The following ZYG11B variants were observed in gnomAD, a reference collection of about 807,000 sequenced individuals.
ZYG11B encodes zyg-11 family member B, cell cycle regulator, also known as protein zyg-11 homolog B.
ZYG11B carries 36 observed loss-of-function variants against 82.4 expected under a neutral mutation model. The observed-to-expected ratio is 0.44, with a 90% CI of 0.33 to 0.58. The LOEUF (loss-of-function observed/expected upper bound fraction) is 0.58, where lower values mean the gene tolerates loss of function less well. ZYG11B is among the 20% of genes least tolerant of loss of function. ZYG11B has a pLI of 0.02. For synonymous variants in ZYG11B, 303 were observed against 312.8 expected (o/e 0.97, Z 0.33); for missense variants, 552 against 895.6 (o/e 0.62, Z 4.90).
At chr1:52,801,647 A>T (rs1233363435) in intron 8 of ZYG11B, among the ~76,000 whole-genome samples, 172 bp from the exon 9 acceptor site, 1 of 152,184 alleles carries the variant, frequency 6.6e-6, no homozygotes, top group East Asian at 1.9e-4. Flanking sequence ...TGAAAATCTT[A>T]TACATTTTTC....
intron 10 of ZYG11B, among the ~76,000 whole-genome samples, chr1:52,812,577 A>G (rs888091553): frequency 2.0e-5 from 3 of 149,584 alleles, no homozygotes; most frequent in African/African-American, 2.5e-5. Flanking sequence ...TAATTTTTCT[A>G]TTTTTTTAGT....
At chr1:52,812,750 G>A (rs1645194166) in intron 10 of ZYG11B, among the ~76,000 whole-genome samples, 1 of 148,404 alleles carries the variant, frequency 6.7e-6, no homozygotes, top group Non-Finnish European at 1.5e-5. Flanking sequence ...GTTTTGAGAT[G>A]GCATCTCACT....
intron 2 of ZYG11B, 30 bp from the exon 3 acceptor site, chr1:52,770,989 TG>T (rs1558127906): frequency 1.1e-5 from 18 of 1,570,830 alleles, no homozygotes; most frequent in Non-Finnish European, 1.6e-5. Flanking sequence ...AACTGTTTTT[TG>T]AATTTAAAAC....
At chr1:52,796,459 C>G in intron 7 of ZYG11B, 68 bp downstream of exon 7, 1 of 1,315,314 alleles carries the variant, frequency 7.6e-7, no homozygotes, top group South Asian at 1.2e-5. Flanking sequence ...TGTTTCCCCC[C>G]AAAAGCTGTG....
chr1:52,763,183 G>A (rs1473628355), intron 2 of ZYG11B, among the ~76,000 whole-genome samples: 1 of 152,078 alleles, frequency 6.6e-6, no homozygotes, highest in Non-Finnish European at 1.5e-5. Context: ...GTAATTTGCT[G>A]TTTTGGTTAC....
chr1:52,733,533 C>G (rs1213648598), intron 1 of ZYG11B, among the ~76,000 whole-genome samples: 1 of 151,922 alleles, frequency 6.6e-6, no homozygotes, highest in African/African-American at 2.4e-5. Context: ...AATTAGCGCA[C>G]ATCTGGGGTC....
At chr1:52,774,085 C>G (rs1459508705) in intron 3 of ZYG11B, among the ~76,000 whole-genome samples, 1 of 151,822 alleles carries the variant, frequency 6.6e-6, no homozygotes, top group Non-Finnish European at 1.5e-5. Flanking sequence ...TTTTTTAAAG[C>G]TTAGATGATT....
At position 52,750,873 on chromosome 1, in the gene ZYG11B, G is replaced by A. The variant is rs555769177; in HGVS notation, c.31-5585G>A. ...TACAAATGGGATCATACAATACGTG[G>A]TTTTTTTGTGACTGGCTTCTTCCAC... On this transcript the variant is annotated intron_variant, in intron 1 of 13. Transcript: ENST00000294353. Among the ~76,000 whole-genome samples, 22 of 152,230 alleles carry A rather than the reference G, an allele frequency of 1.4e-4. No individual in the cohort carries two copies. The South Asian group carries it at 4.6e-3, about 32-fold the overall frequency.
intron 1 of ZYG11B, among the ~76,000 whole-genome samples, chr1:52,746,440 T>TC (rs1424650790): frequency 6.6e-6 from 1 of 151,896 alleles, no homozygotes. Flanking sequence ...CCTTTCTGTA[T>TC]CCCCCAAACC....
intron 3 of ZYG11B, chr1:52,772,059 C>G: frequency 2.8e-6 from 2 of 712,856 alleles, no homozygotes; most frequent in Non-Finnish European, 4.9e-6. Context: ...GTAGTAGGTC[C>G]TGGCTAAACA....
chr1:52,731,418 A>T (rs552253090), intron 1 of ZYG11B, among the ~76,000 whole-genome samples: 2 of 152,234 alleles, frequency 1.3e-5, no homozygotes, highest in Non-Finnish European at 2.9e-5. Context: ...CGCTGTCCAA[A>T]AAACCTAGGT....
At chr1:52,733,403 G>T (rs912047190) in intron 1 of ZYG11B, among the ~76,000 whole-genome samples, 1 of 152,178 alleles carries the variant, frequency 6.6e-6, no homozygotes, top group African/African-American at 2.4e-5. Context: ...GCTCACGCCT[G>T]TAATCCACAT....
chr1:52,793,334 C>T (rs1032627777), intron 6 of ZYG11B, among the ~76,000 whole-genome samples: 16 of 151,758 alleles, frequency 1.1e-4, no homozygotes, highest in South Asian at 2.1e-4. Context: ...CATGGTGAAA[C>T]GCTGTCTCTA....
Position 52,797,132 on chromosome 1 carries a change from AT to A in ZYG11B, c.1485+351del, listed in dbSNP as rs1413075998. Reference sequence around the variant, plus strand: ...TATATTTATATATTATATATTATATATTTATATATTATATATTATATATTTA... The same window carrying A: ...TATATTTATATATTATATATTATATATTATATATTATATATTATATATTTA... On this transcript the variant is annotated intron_variant, in intron 8 of 13. Transcript: ENST00000294353. Among the ~76,000 whole-genome samples, 9 of 67,356 alleles carry A rather than the reference AT, an allele frequency of 1.3e-4. 1 individual carries two copies. Among genetic ancestry groups the A allele is most frequent in the African/African-American group, 2.3e-4 (2 of 8,602 alleles). The allele number at this position is 67,356 out of a possible 152,430, so 44.2% of individuals were successfully genotyped here. A position where few individuals can be genotyped will look rare whatever the true frequency, so the allele number is the denominator to read the frequency against.
At position 52,811,603 on chromosome 1, in the gene ZYG11B, A is replaced by G. The variant is rs1645183407; in HGVS notation, c.1696-1933A>G. 9.9e-5 allele frequency among the ~76,000 whole-genome samples: 15 copies of G among 152,256 alleles called. No homozygotes were observed. In the South Asian group the frequency reaches 3.1e-3, roughly 32 times the overall value. On this transcript the variant is annotated intron_variant, in intron 10 of 13. Transcript: ENST00000294353. ...CAGGTGTAAATCAGCATGCCCTGCCATGGATGCTTTTTATTTCTCTGTTGT... is the reference window on the plus strand; with the variant it reads ...CAGGTGTAAATCAGCATGCCCTGCCGTGGATGCTTTTTATTTCTCTGTTGT...
At chr1:52,816,780 C>CTTTTTTT (rs71044423) in intron 13 of ZYG11B, 151 bp downstream of exon 13, 4 of 264,250 alleles carry the variant, frequency 1.5e-5, no homozygotes, top group Non-Finnish European at 2.5e-5. Context: ...TTAAGGTATT[C>CTTTTTTT]TTTTTTTTTT....
At chr1:52,736,676 C>T (rs12033391) in intron 1 of ZYG11B, among the ~76,000 whole-genome samples, 18,632 of 152,094 alleles carry the variant, frequency 0.12, 2,585 homozygotes, top group East Asian at 0.35. Flanking sequence ...TGGTCTCGAA[C>T]TCCTGACCTC....
In ZYG11B at chr1:52,822,755, A is replaced by G. The variant is rs916545629; in HGVS notation, c.*1126A>G. ...AATGTAATGATTCTACTCGCAGTGC[A>G]TAACAGCACATATTTTTGACAGATT... On this transcript the variant is annotated 3_prime_UTR_variant, in exon 14 of 14. Coordinates refer to ENST00000294353, the MANE Select transcript of ZYG11B (RefSeq NM_024646.3). The G allele has an allele frequency of 1.3e-5, 2 of 152,372 alleles. No homozygotes were observed. The highest frequency in any genetic ancestry group is 6.5e-5 in the Admixed American group (1 of 15,304). 9.4% of individuals were successfully genotyped at this position (152,372 alleles called of 1,614,324 possible). A position where few individuals can be genotyped will look rare whatever the true frequency, so the allele number is the denominator to read the frequency against.
rs538783221 is a variant in ZYG11B at position 52,825,345 on chromosome 1, T to C, written c.*3716T>C. ...TCCATGGCTACTGATATTAGTTAGT[T>C]TAGGATTTTTAAAAAGCATATCAGA... is the stretch of plus-strand genomic sequence containing the variant. On this transcript the variant is annotated 3_prime_UTR_variant, in exon 14 of 14. Transcript: ENST00000294353. The C allele has an allele frequency of 4.1e-4, 63 of 152,172 alleles. No individual in the cohort carries two copies. Among genetic ancestry groups the C allele is most frequent in the African/African-American group, 1.3e-3 (56 of 41,516 alleles). The allele number at this position is 152,172 out of a possible 1,614,324, so 9.4% of individuals were successfully genotyped here. A position where few individuals can be genotyped will look rare whatever the true frequency, so the allele number is the denominator to read the frequency against.
Sources: allele counts gnomAD v4.1 joint callset (sites outside exome capture counted in the v4.1 genomes callset), GRCh38; gene constraint gnomAD v4.1.1; transcripts MANE v1.5; gene names NCBI Gene and HGNC (gene_info 2026-07-23, HGNC 2026-07-21).